The following TFEC variants were observed in gnomAD, a reference collection of about 807,000 sequenced individuals.
The protein encoded by TFEC is class E basic helix-loop-helix protein 34.
TFEC carries 31 observed loss-of-function variants against 41.6 expected under a neutral mutation model. The ratio of observed to expected loss-of-function variants is 0.74; its 90% confidence interval spans 0.56 to 1.01. TFEC has a LOEUF of 1.01. Ranked by LOEUF, TFEC falls within the 50% of genes least tolerant of loss-of-function variation. The pLI is 0.00. For missense variants in TFEC, 402 were observed against 404.1 expected (o/e 0.99, Z 0.04); for synonymous variants, 143 against 140.6 (o/e 1.02, Z -0.12).
At chr7:116,104,387 G>C (rs1797669852) in intron 3 of TFEC, among the ~76,000 whole-genome samples, 1 of 151,940 alleles carries the variant, frequency 6.6e-6, no homozygotes. Context: ...CAACACAATG[G>C]GCATTATATG....
chr7:115,969,894 G>C (rs934778885), intron 3 of TFEC, among the ~76,000 whole-genome samples: 3 of 151,902 alleles, frequency 2.0e-5, no homozygotes, highest in Non-Finnish European at 4.4e-5. Context: ...GAGTAAGAGA[G>C]AGAAAAGCAA....
intron 3 of TFEC, among the ~76,000 whole-genome samples, chr7:116,053,522 T>C (rs1183119677): frequency 2.0e-5 from 3 of 152,214 alleles, no homozygotes; most frequent in Non-Finnish European, 4.4e-5. Flanking sequence ...AGTGGCAGTA[T>C]TGAGAGGTGG....
In TFEC at chr7:116,110,881, G is replaced by A; in HGVS notation, c.25C>T (p.Gln9Ter). Residue 9 changes from glutamine to a stop codon, truncating the protein, a stop_gained, in exon 3 of 9, where the codon CAA becomes TAA. Transcript: ENST00000484212. LOFTEE classifies it high-confidence loss of function. ...CCTAATTGTTCTTTCAGCTGAAATTGAAGTCCAGTTAAAGCTTGTAACATA... is the reference window on the plus strand; with the variant it reads ...CCTAATTGTTCTTTCAGCTGAAATTAAAGTCCAGTTAAAGCTTGTAACATA... 1 of 1,539,446 alleles carries A rather than the reference G, an allele frequency of 6.5e-7. No individual in the cohort carries two copies.
At chr7:115,948,541 A>C (rs1328877546) in intron 6 of TFEC, among the ~76,000 whole-genome samples, 2 of 152,222 alleles carry the variant, frequency 1.3e-5, no homozygotes, top group Non-Finnish European at 2.9e-5. Flanking sequence ...AGTCTGGTTC[A>C]ATATATGCAA....
chr7:116,039,240 T>G (rs1369157322), intron 3 of TFEC, among the ~76,000 whole-genome samples: 3 of 152,042 alleles, frequency 2.0e-5, no homozygotes, highest in Non-Finnish European at 4.4e-5. Flanking sequence ...AGAAATAAAT[T>G]CAGTCCATCA....
intron 1 of TFEC, among the ~76,000 whole-genome samples, chr7:116,013,612 A>T (rs1296575002): frequency 6.6e-6 from 1 of 152,146 alleles, no homozygotes; most frequent in African/African-American, 2.4e-5. Flanking sequence ...TCACAATCAC[A>T]CAAGCAACAA....
intron 6 of TFEC, among the ~76,000 whole-genome samples, chr7:115,949,270 C>T (rs1335486387): frequency 3.3e-5 from 5 of 152,032 alleles, no homozygotes; most frequent in Middle Eastern, 3.4e-3. Flanking sequence ...AATGGCCATA[C>T]TGCCCAAGGT....
At chr7:116,071,684 G>C (rs1277000036) in intron 3 of TFEC, among the ~76,000 whole-genome samples, 1 of 151,318 alleles carries the variant, frequency 6.6e-6, no homozygotes, top group African/African-American at 2.4e-5. Flanking sequence ...AAGAAATCCT[G>C]CAGTTGCCCT....
intron 1 of TFEC, among the ~76,000 whole-genome samples, chr7:116,157,647 G>T (rs917836334): frequency 6.6e-6 from 1 of 152,124 alleles, no homozygotes; most frequent in Non-Finnish European, 1.5e-5. Context: ...GAGACGAACA[G>T]ATGCAAAAAT....
chr7:115,941,037 A>T (rs1369337285), intron 7 of TFEC, 106 bp from the exon 8 acceptor site: 3 of 1,027,454 alleles, frequency 2.9e-6, no homozygotes, highest in African/African-American at 1.6e-5. Context: ...TTTAAAATGA[A>T]GAGTAATACA....
intron 3 of TFEC, among the ~76,000 whole-genome samples, chr7:116,110,201 T>C (rs1468482764): frequency 4.6e-5 from 7 of 152,190 alleles, no homozygotes; most frequent in South Asian, 2.1e-4. Context: ...ATTGTGCACA[T>C]GTACCCTAGA....
At chr7:116,152,223 A>T (rs1798776415) in intron 1 of TFEC, among the ~76,000 whole-genome samples, 1 of 152,204 alleles carries the variant, frequency 6.6e-6, no homozygotes, top group South Asian at 2.1e-4. Flanking sequence ...GTCAAAGAAA[A>T]CATATGAAAC....
chr7:116,072,440 T>C (rs975723766), intron 3 of TFEC, among the ~76,000 whole-genome samples: 2 of 151,690 alleles, frequency 1.3e-5, no homozygotes, highest in African/African-American at 4.8e-5. Context: ...ATATGTATTG[T>C]TTAACATGAG....
intron 3 of TFEC, among the ~76,000 whole-genome samples, chr7:116,077,626 T>C (rs1796990240): frequency 6.6e-6 from 1 of 152,074 alleles, no homozygotes; most frequent in African/African-American, 2.4e-5. Context: ...AGAGTAGTTA[T>C]TCTTATATCA....
At chr7:115,963,298 G>C (rs13438552) in intron 3 of TFEC, among the ~76,000 whole-genome samples, 5,530 of 151,862 alleles carry the variant, frequency 0.036, 330 homozygotes, top group African/African-American at 0.12. Context: ...AATCTCATTA[G>C]GATGGCTAAT....
In TFEC at chr7:115,961,471, T is replaced by C. The variant is rs184129084; in HGVS notation, c.268-4678A>G. Among the ~76,000 whole-genome samples, 317 of 151,666 alleles carry C rather than the reference T, an allele frequency of 2.1e-3. 2 individuals are homozygous for C. Among genetic ancestry groups the C allele is most frequent in the African/African-American group, 7.0e-3 (292 of 41,468 alleles). The stretch of plus-strand genomic sequence containing the variant: ...GATAAAAATAGATTCATTTTTGAAT[T>C]ATATAAATTAACCATCATTCTTTTA... On this transcript the variant is annotated intron_variant, in intron 3 of 7. Coordinates refer to ENST00000265440, the MANE Select transcript of TFEC (RefSeq NM_012252.4).
At chr7:116,114,162 C>G (rs1309047732) in intron 1 of TFEC, among the ~76,000 whole-genome samples, 1 of 151,980 alleles carries the variant, frequency 6.6e-6, no homozygotes, top group Non-Finnish European at 1.5e-5. Flanking sequence ...ATAGTAGATA[C>G]TCAGTAAGTT....
At chr7:116,135,676 C>T (rs1798419462) in intron 1 of TFEC, among the ~76,000 whole-genome samples, 1 of 152,080 alleles carries the variant, frequency 6.6e-6, no homozygotes, top group South Asian at 2.1e-4. Context: ...TATTTATTTG[C>T]TCTTTTCACC....
chr7:115,985,666 C>T (rs955381652), intron 1 of TFEC, among the ~76,000 whole-genome samples: 33 of 152,104 alleles, frequency 2.2e-4, no homozygotes, highest in African/African-American at 7.2e-4. Context: ...GTTATGCTGA[C>T]ATTTTTAGCA....
Sources: gnomAD v4.1 joint callset for allele counts (sites outside exome capture counted in the v4.1 genomes callset) on GRCh38, gnomAD v4.1.1 for gene constraint, MANE v1.5 for transcripts, NCBI Gene and HGNC (gene_info 2026-07-23, HGNC 2026-07-21) for gene names.